Variants in ARHGAP19 observed in about 807,000 individuals in gnomAD.
ARHGAP19 encodes Rho GTPase activating protein 19.
A neutral mutation model predicts 60.9 loss-of-function variants in ARHGAP19; 48 were observed. The observed-to-expected ratio is 0.79, with a 90% CI of 0.62 to 1.00. ARHGAP19 has a LOEUF of 1.00. ARHGAP19 is among the 50% of genes least tolerant of loss of function. ARHGAP19 has a pLI of 0.00. For missense variants in ARHGAP19, 562 were observed against 597.2 expected, an observed-to-expected ratio of 0.94 and a Z score of 0.61; for synonymous variants, 209 against 215.5, an observed-to-expected ratio of 0.97 and a Z score of 0.27.
At chr10:97,285,405 T>G (rs1843141008) in intron 1 of ARHGAP19, among the ~76,000 whole-genome samples, 2 of 151,984 alleles carry the variant, frequency 1.3e-5, no homozygotes, top group Admixed American at 6.6e-5. Context: ...GCATTCTAGC[T>G]TATTGCAGCC....
chr10:97,239,538 GA>G (rs1842436543), intron 8 of ARHGAP19, among the ~76,000 whole-genome samples: 1 of 121,802 alleles, frequency 8.2e-6, no homozygotes, highest in Admixed American at 8.5e-5. Context: ...GGGAGTGAGA[GA>G]GAGAGAGAGA....
At position 97,256,306 on chromosome 10, in the gene ARHGAP19, T is replaced by C. The variant is rs1056197752; in HGVS notation, c.927+12A>G. On this transcript the variant is annotated intron_variant, in intron 6 of 11. Coordinates refer to ENST00000358531, the MANE Select transcript of ARHGAP19 (RefSeq NM_032900.6). ...TTGTCCTGTTACCAGCCAAATGCTATCCCTTACCTACCTTAAAAAGTTTCT... is the reference window on the plus strand; with the variant it reads ...TTGTCCTGTTACCAGCCAAATGCTACCCCTTACCTACCTTAAAAAGTTTCT... 1 of 1,603,204 alleles carries C rather than the reference T, an allele frequency of 6.2e-7. No individual in the cohort carries two copies. Among genetic ancestry groups the C allele is most frequent in the Admixed American group, 1.7e-5 (1 of 59,970 alleles).
At position 97,225,288 on chromosome 10, in the gene ARHGAP19, AT is replaced by A. The variant is rs1850875364; in HGVS notation, c.*833del. ...CCAGAGATGTTTTAGTCAAGAGGAAATTGAATGAAGATAACAAGTTCAGCAA... is the reference window on the plus strand; with the variant it reads ...CCAGAGATGTTTTAGTCAAGAGGAAATGAATGAAGATAACAAGTTCAGCAA... On this transcript the variant is annotated 3_prime_UTR_variant, in exon 12 of 12. Transcript: ENST00000358531. The A allele has an allele frequency of 6.6e-6, 1 of 152,254 alleles. No homozygotes were observed. Among genetic ancestry groups the A allele is most frequent in the African/African-American group, 2.4e-5 (1 of 41,468 alleles). 9.4% of individuals were successfully genotyped at this position (152,254 alleles called of 1,614,324 possible).
intron 1 of ARHGAP19, among the ~76,000 whole-genome samples, chr10:97,287,815 C>A (rs1458349190): frequency 2.0e-5 from 3 of 152,192 alleles, no homozygotes; most frequent in South Asian, 4.1e-4. Context: ...GTAATCCCAG[C>A]ACTTTGGGAG....
chr10:97,279,720 G>T (rs1843060664), intron 1 of ARHGAP19, among the ~76,000 whole-genome samples: 1 of 151,916 alleles, frequency 6.6e-6, no homozygotes, highest in Admixed American at 6.6e-5. Flanking sequence ...AAATTCCTGG[G>T]CCCAAGTGAT....
At chr10:97,259,939 G>C (rs1242744748) in intron 4 of ARHGAP19, among the ~76,000 whole-genome samples, 4 of 151,816 alleles carry the variant, frequency 2.6e-5, no homozygotes, top group Non-Finnish European at 4.4e-5. Context: ...GGGTTCAAGC[G>C]ATTCTCCTGC....
intron 4 of ARHGAP19, 151 bp downstream of exon 4, chr10:97,263,269 A>G: frequency 2.7e-6 from 2 of 731,764 alleles, no homozygotes; most frequent in Non-Finnish European, 4.5e-6. Context: ...GCCAATACCT[A>G]TGAGTACCCA....
At chr10:97,262,301 A>C (rs1021017880) in intron 4 of ARHGAP19, among the ~76,000 whole-genome samples, 1 of 151,920 alleles carries the variant, frequency 6.6e-6, no homozygotes, top group African/African-American at 2.4e-5. Context: ...TTTTTACTGT[A>C]TATTATTTGA....
chr10:97,286,567 G>A (rs555289558), intron 1 of ARHGAP19, among the ~76,000 whole-genome samples: 15 of 152,348 alleles, frequency 9.8e-5, no homozygotes, highest in Admixed American at 9.2e-4. Flanking sequence ...ACTCCAGCCT[G>A]TGCCACAGAG....
intron 8 of ARHGAP19, among the ~76,000 whole-genome samples, chr10:97,240,440 C>T (rs971940034): frequency 2.0e-5 from 3 of 152,124 alleles, no homozygotes; most frequent in South Asian, 2.1e-4. Flanking sequence ...TCACCTGAGG[C>T]GAGGAGTTCA....
intron 1 of ARHGAP19, 129 bp downstream of exon 1, chr10:97,292,443 G>A: frequency 8.0e-7 from 1 of 1,243,154 alleles, no homozygotes; most frequent in Non-Finnish European, 1.2e-6. Context: ...CCGCAGGCGC[G>A]ACGATGAGAA....
At chr10:97,263,393 C>T (rs762585415) in intron 4 of ARHGAP19, 27 bp downstream of exon 4, 8 of 1,602,386 alleles carry the variant, frequency 5.0e-6, no homozygotes, top group Non-Finnish European at 6.8e-6. Flanking sequence ...AATGTATTTA[C>T]ATCTCCTTCT....
rs1842394964 is a variant in ARHGAP19, at chr10:97,237,232, C to T, written c.1186-1917G>A. Among the ~76,000 whole-genome samples, 6 of 145,726 alleles carry T rather than the reference C, an allele frequency of 4.1e-5. No homozygotes were observed. In the South Asian group the frequency reaches 1.3e-3, roughly 32 times the overall value. ...GTGAGCTGAGATCAATCACGTCATT[C>T]CAGTCTAGGCAACAGAGCTAGACCT... On this transcript the variant is annotated intron_variant, in intron 8 of 11. Coordinates refer to ENST00000358531, the MANE Select transcript of ARHGAP19 (RefSeq NM_032900.6).
At chr10:97,243,464 G>C (rs1589450969) in intron 8 of ARHGAP19, among the ~76,000 whole-genome samples, 1 of 152,154 alleles carries the variant, frequency 6.6e-6, no homozygotes, top group Non-Finnish European at 1.5e-5. Context: ...CTACTTTCTA[G>C]TATCAGACTA....
intron 4 of ARHGAP19, among the ~76,000 whole-genome samples, chr10:97,260,182 A>C (rs1842810980): frequency 6.6e-6 from 1 of 151,700 alleles, no homozygotes; most frequent in Non-Finnish European, 1.5e-5. Flanking sequence ...TTCCTTCAGA[A>C]GGTATACAAG....
intron 1 of ARHGAP19, among the ~76,000 whole-genome samples, chr10:97,274,322 G>T (rs983241105): frequency 1.6e-4 from 24 of 152,168 alleles, no homozygotes; most frequent in African/African-American, 5.5e-4. Context: ...AAAATTAGCA[G>T]GGCATGGTGG....
chr10:97,222,665 C>G lies in ARHGAP19; in HGVS notation c.*3457G>C, dbSNP rs1366352380. On this transcript the variant is annotated 3_prime_UTR_variant, in exon 12 of 12. Transcript: ENST00000358531. The stretch of plus-strand genomic sequence containing the variant: ...TAAAACGCTTGTGCATCTTAGGAAC[C>G]CAAATCTTCCCCAAATTCTAGACAA... The G allele has an allele frequency of 6.6e-6, 1 of 152,196 alleles. No individual in the cohort carries two copies. The highest frequency in any genetic ancestry group is 6.5e-5 in the Admixed American group (1 of 15,286). 9.4% of individuals were successfully genotyped at this position (152,196 alleles called of 1,614,324 possible).
chr10:97,238,510 G>A (rs570564145), intron 8 of ARHGAP19, among the ~76,000 whole-genome samples: 8 of 152,200 alleles, frequency 5.3e-5, no homozygotes, highest in Non-Finnish European at 1.0e-4. Flanking sequence ...GAGCTACCAC[G>A]CCCAGCCTGT....
rs1843174226 is a variant in ARHGAP19, at chr10:97,287,719, G to C, written c.56+4853C>G. On this transcript the variant is annotated intron_variant, in intron 1 of 11. Coordinates refer to ENST00000358531, the MANE Select transcript of ARHGAP19 (RefSeq NM_032900.6). ...CATCATGCCACTACACTCCAGCCTG[G>C]ACCACAAAGTGAGATCCTGTCTCAA... Among the ~76,000 whole-genome samples the C allele has an allele frequency of 2.0e-5, 3 of 152,082 alleles. No homozygotes were observed. The South Asian group carries it at 6.2e-4, about 32-fold the overall frequency.
Sources: allele counts gnomAD v4.1 joint callset (sites outside exome capture counted in the v4.1 genomes callset), GRCh38; gene constraint gnomAD v4.1.1; transcripts MANE v1.5; gene names NCBI Gene and HGNC (gene_info 2026-07-23, HGNC 2026-07-21).